Variants in TNRC6B observed in about 807,000 individuals in gnomAD.
The protein encoded by TNRC6B is trinucleotide repeat-containing gene 6B protein.
In TNRC6B, 52 loss-of-function variants were observed where a neutral mutation model predicts 203.6. The observed-to-expected ratio is 0.26, with a 90% CI of 0.20 to 0.32. The LOEUF is 0.32. Ranked by LOEUF, TNRC6B falls within the 10% of genes least tolerant of loss-of-function variation. The pLI, the probability that TNRC6B is intolerant of heterozygous loss-of-function variation, is 1.00. For missense variants in TNRC6B, 1,923 were observed against 2,286.2 expected (o/e 0.84, Z 3.24); for synonymous variants, 838 against 845.7 (o/e 0.99, Z 0.16).
At chr22:40,224,463 C>A (rs138037) in intron 1 of TNRC6B, among the ~76,000 whole-genome samples, 48,719 of 151,974 alleles carry the variant, frequency 0.32, 9,586 homozygotes, top group East Asian at 0.57. Context: ...TGTAGGAGTT[C>A]TTTATGTATT....
intron 5 of TNRC6B, among the ~76,000 whole-genome samples, chr22:40,268,114 G>A (rs1048175494): frequency 1.3e-5 from 2 of 152,108 alleles, no homozygotes; most frequent in Non-Finnish European, 2.9e-5. Context: ...TTGAGACAGA[G>A]TCTCACTCTG....
chr22:40,271,637 T>C lies in TNRC6B; in HGVS notation c.2965+1357T>C, dbSNP rs2070564407. On this transcript the variant is annotated intron_variant, in intron 6 of 22. Coordinates refer to ENST00000454349, the MANE Select transcript of TNRC6B (RefSeq NM_001162501.2). ...GACCCAAAATGCTGCAAGAAGATGT[T>C]AATCAGACCCTGGGCACAAAGAGAT... is the stretch of plus-strand genomic sequence containing the variant. Among the ~76,000 whole-genome samples the C allele has an allele frequency of 3.3e-5, 5 of 152,342 alleles. No homozygotes were observed. The South Asian group carries it at 1.0e-3, about 32-fold the overall frequency.
At chr22:40,154,035 A>G (rs1161257879) in intron 3 of TNRC6B, among the ~76,000 whole-genome samples, 1 of 151,716 alleles carries the variant, frequency 6.6e-6, no homozygotes, top group East Asian at 1.9e-4. Context: ...TGCAGTGGCT[A>G]TTCACAGGTG....
At chr22:40,078,767 A>G (rs1173166896) in intron 1 of TNRC6B, among the ~76,000 whole-genome samples, 2 of 151,422 alleles carry the variant, frequency 1.3e-5, no homozygotes, top group Non-Finnish European at 2.9e-5. Flanking sequence ...TAATTTCTGT[A>G]TTTTTAGTAG....
At chr22:40,181,206 C>G (rs1326059504) in intron 1 of TNRC6B, among the ~76,000 whole-genome samples, 1 of 152,140 alleles carries the variant, frequency 6.6e-6, no homozygotes, top group Non-Finnish European at 1.5e-5. Context: ...GAAGCAGAGA[C>G]TTCTAAGGCT....
chr22:40,277,907 T>C, intron 8 of TNRC6B, 92 bp from the exon 9 acceptor site: 2 of 892,944 alleles, frequency 2.2e-6, no homozygotes, highest in Non-Finnish European at 3.7e-6. Flanking sequence ...ATGGTGCCAG[T>C]AGTAAGACGT....
chr22:40,268,181 G>A (rs1470738394), intron 5 of TNRC6B, among the ~76,000 whole-genome samples: 1 of 152,180 alleles, frequency 6.6e-6, no homozygotes, highest in Non-Finnish European at 1.5e-5. Context: ...TCCGTGCCAA[G>A]TTCAAGTGAT....
chr22:40,122,093 C>T (rs1476246549), intron 2 of TNRC6B, among the ~76,000 whole-genome samples: 1 of 152,178 alleles, frequency 6.6e-6, no homozygotes, highest in Non-Finnish European at 1.5e-5. Flanking sequence ...ATTTTGGTGC[C>T]ACGCACCAGA....
intron 1 of TNRC6B, among the ~76,000 whole-genome samples, chr22:40,214,258 C>T (rs2069603230): frequency 6.6e-6 from 1 of 151,706 alleles, no homozygotes; most frequent in Non-Finnish European, 1.5e-5. Flanking sequence ...TAGAGGGAGA[C>T]TCCATCTCAA....
intron 3 of TNRC6B, among the ~76,000 whole-genome samples, chr22:40,139,177 A>G (rs980570155): frequency 6.6e-6 from 1 of 152,160 alleles, no homozygotes; most frequent in Non-Finnish European, 1.5e-5. Flanking sequence ...ATTCCATATA[A>G]ATAGAATCAT....
At chr22:40,163,787 G>C (rs2068893659) in intron 4 of TNRC6B, among the ~76,000 whole-genome samples, 1 of 151,526 alleles carries the variant, frequency 6.6e-6, no homozygotes, top group African/African-American at 2.4e-5. Context: ...GAAAAGAAAA[G>C]GGTAACTTTA....
upstream of TNRC6B, among the ~76,000 whole-genome samples, chr22:40,173,253 C>T (rs1200981795): frequency 3.3e-5 from 5 of 151,884 alleles, no homozygotes; most frequent in Admixed American, 2.0e-4. Context: ...CGTGCCACCA[C>T]GCCCGGCTAA....
chr22:40,173,188 G>A (rs1459527292), upstream of TNRC6B, among the ~76,000 whole-genome samples: 3 of 151,772 alleles, frequency 2.0e-5, no homozygotes, highest in Non-Finnish European at 4.4e-5. Flanking sequence ...CCTCCACCTC[G>A]CGGATTCAAG....
In TNRC6B at chr22:40,323,092, G is replaced by A. The variant is rs989940773; in HGVS notation, c.5353G>A (p.Ala1785Thr). 8 of 1,608,866 alleles carry A rather than the reference G, an allele frequency of 5.0e-6. No homozygotes were observed. Among genetic ancestry groups the A allele is most frequent in the Non-Finnish European group, 6.8e-6 (8 of 1,177,416 alleles). Residue 1785 changes from alanine (A) to threonine (T), a missense_variant, in exon 23 of 23, where the codon GCC (alanine) becomes ACC (threonine). By Grantham distance (58) the Ala-to-Thr change is moderately conservative (BLOSUM62 0). Around this residue, in one of 8 missense-constraint regions of TNRC6B, gnomAD observed 126 missense variants for 137.5 expected, o/e 0.92. Coordinates refer to ENST00000454349, the MANE Select transcript of TNRC6B (RefSeq NM_001162501.2). ...CAGCAGCGCTGGTGGCAGCAGCGGG[G>A]CCGATCTTGCTGGCGCTTCATTGTG... Reference protein sequence around the residue: ...WSSSAGGSSGADLAGASLWGP... With the variant: ...WSSSAGGSSGTDLAGASLWGP...
intron 3 of TNRC6B, among the ~76,000 whole-genome samples, chr22:40,139,696 T>C (rs558343336): frequency 6.6e-6 from 1 of 152,344 alleles, no homozygotes; most frequent in South Asian, 2.1e-4. Flanking sequence ...TTGACTGCTA[T>C]GAACATTAAT....
intron 1 of TNRC6B, among the ~76,000 whole-genome samples, chr22:40,074,638 G>A (rs2067989022): frequency 6.6e-6 from 1 of 151,970 alleles, no homozygotes; most frequent in South Asian, 2.1e-4. Context: ...AATTAGCCAG[G>A]CGTGGTGGTG....
rs1445614831 is a variant in TNRC6B, at chr22:40,330,829, G to A, written c.*7588G>A. 1.3e-5 allele frequency: 2 copies of A among 152,620 alleles called. No homozygotes were observed. The highest frequency in any genetic ancestry group is 6.5e-5 in the Admixed American group (1 of 15,278). 9.5% of individuals were successfully genotyped at this position (152,620 alleles called of 1,614,324 possible). On this transcript the variant is annotated 3_prime_UTR_variant, in exon 23 of 23. Coordinates refer to ENST00000454349, the MANE Select transcript of TNRC6B (RefSeq NM_001162501.2). ...AGGGAAGTCAAAGTTCCTCCTGGAA[G>A]TCCCAGGAGCAGCTGTTGAGATTTC...
chr22:40,099,867 C>T lies in TNRC6B; in HGVS notation c.-120-17188C>T, dbSNP rs558871204. 7.4e-4 allele frequency among the ~76,000 whole-genome samples: 112 copies of T among 152,206 alleles called. 1 individual carries two copies. Among genetic ancestry groups the T allele is most frequent in the African/African-American group, 2.5e-3 (104 of 41,542 alleles). On this transcript the variant is annotated intron_variant, in intron 1 of 23. Transcript: ENST00000301923. ...TCGGGCTCACGCCATTCTCCTTCCT[C>T]AGCCTCCCGAGTAGCTGGGACTACA...
At chr22:40,117,465 C>T (rs2068399441) in intron 2 of TNRC6B, among the ~76,000 whole-genome samples, 1 of 152,002 alleles carries the variant, frequency 6.6e-6, no homozygotes, top group African/African-American at 2.4e-5. Context: ...CCAGGGTTCA[C>T]TTTCTGAATG....
Sources: gnomAD v4.1 joint callset for allele counts (sites outside exome capture counted in the v4.1 genomes callset) on GRCh38, gnomAD v4.1.1 for gene constraint, gnomAD v4.1.1 regional missense constraint, MANE v1.5 for transcripts, NCBI Gene and HGNC (gene_info 2026-07-23, HGNC 2026-07-21) for gene names.